Variants in GRIA1 observed in about 807,000 individuals in gnomAD.
GRIA1 encodes the protein glutamate receptor 1.
Under a neutral mutation model 99.2 loss-of-function variants are expected in GRIA1, and 31 were observed. The ratio of observed to expected loss-of-function variants is 0.31; its 90% CI spans 0.23 to 0.42. The LOEUF is 0.42. Ranked by LOEUF, GRIA1 falls within the 10% of genes least tolerant of loss-of-function variation. The pLI is 1.00. For synonymous variants in GRIA1, 438 were observed against 432.4 expected (o/e 1.01, Z -0.16); for missense variants, 782 against 1,157.5 (o/e 0.68, Z 4.71).
At chr5:153,756,719 C>A (rs1161487624) in intron 11 of GRIA1, among the ~76,000 whole-genome samples, 1 of 152,066 alleles carries the variant, frequency 6.6e-6, no homozygotes, top group African/African-American at 2.4e-5. Context: ...TTACAGAGAA[C>A]CCTAGATTAG....
intron 6 of GRIA1, 129 bp from the exon 7 acceptor site, chr5:153,676,865 C>T (rs555386946): frequency 2.2e-5 from 13 of 585,504 alleles, no homozygotes; most frequent in South Asian, 1.1e-4. Flanking sequence ...GTCTGCCCCA[C>T]GTATACCATG....
intron 2 of GRIA1, among the ~76,000 whole-genome samples, chr5:153,540,932 A>G (rs984541320): frequency 1.3e-5 from 2 of 152,196 alleles, no homozygotes; most frequent in African/African-American, 4.8e-5. Context: ...GGCTGGAGCT[A>G]AGTAAGATAA....
At chr5:153,648,518 C>T (rs1754317537) in intron 3 of GRIA1, among the ~76,000 whole-genome samples, 1 of 152,124 alleles carries the variant, frequency 6.6e-6, no homozygotes, top group African/African-American at 2.4e-5. Context: ...CTCTAAGCCT[C>T]AATTTCCACA....
intron 11 of GRIA1, among the ~76,000 whole-genome samples, chr5:153,715,836 C>T (rs1407261269): frequency 6.6e-6 from 1 of 152,142 alleles, no homozygotes; most frequent in Non-Finnish European, 1.5e-5. Context: ...TGTTGAATGT[C>T]CATCTTCACA....
intron 5 of GRIA1, among the ~76,000 whole-genome samples, chr5:153,669,240 C>T (rs1374443820): frequency 6.6e-6 from 1 of 152,154 alleles, no homozygotes; most frequent in African/African-American, 2.4e-5. Flanking sequence ...GTTTAAAATA[C>T]ATCTCAAACA....
chr5:153,794,755 A>T lies in GRIA1; in HGVS notation c.2385+20A>T. On this transcript the variant is annotated intron_variant, in intron 14 of 15. Coordinates refer to ENST00000285900, the MANE Select transcript of GRIA1 (RefSeq NM_000827.4). Reference sequence around the variant, plus strand: ...TCCAAGGTCAGCCCCAGTAAGAAAAAAAAAAACCTAGTGGGTATGAAATAG... The same window carrying T: ...TCCAAGGTCAGCCCCAGTAAGAAAATAAAAAACCTAGTGGGTATGAAATAG... 6.8e-7 allele frequency: 1 copy of T among 1,472,608 alleles called. No homozygotes were observed. The highest frequency in any genetic ancestry group is 9.5e-7 in the Non-Finnish European group (1 of 1,058,172). 91.2% of individuals were successfully genotyped at this position (1,472,608 alleles called of 1,614,324 possible).
At chr5:153,540,550 C>G (rs1215399155) in intron 2 of GRIA1, among the ~76,000 whole-genome samples, 1 of 152,186 alleles carries the variant, frequency 6.6e-6, no homozygotes, top group Non-Finnish European at 1.5e-5. Context: ...CATTGATCAA[C>G]TGATTAATTC....
At chr5:153,799,627 C>T (rs2149668284) in intron 14 of GRIA1, among the ~76,000 whole-genome samples, 1 of 152,254 alleles carries the variant, frequency 6.6e-6, no homozygotes, top group Admixed American at 6.5e-5. Context: ...CCCTTGATTC[C>T]AGAGGTCTTT....
At chr5:153,701,225 G>A (rs977950354) in intron 10 of GRIA1, among the ~76,000 whole-genome samples, 2 of 152,174 alleles carry the variant, frequency 1.3e-5, no homozygotes, top group Admixed American at 6.5e-5. Flanking sequence ...CACTGGCACA[G>A]CAGGGCTCAG....
At chr5:153,702,805 T>A (rs1376350691) in intron 10 of GRIA1, among the ~76,000 whole-genome samples, 1 of 152,206 alleles carries the variant, frequency 6.6e-6, no homozygotes, top group Non-Finnish European at 1.5e-5. Flanking sequence ...AGAAAATAAT[T>A]TTGACTGCTC....
intron 2 of GRIA1, among the ~76,000 whole-genome samples, chr5:153,555,725 G>C (rs1160026941): frequency 1.3e-5 from 2 of 152,152 alleles, no homozygotes; most frequent in Non-Finnish European, 2.9e-5. Flanking sequence ...GACCTGTCTG[G>C]GCTGGAATTT....
intron 14 of GRIA1, among the ~76,000 whole-genome samples, chr5:153,799,719 A>G (rs1469860635): frequency 6.6e-6 from 1 of 152,112 alleles, no homozygotes; most frequent in Non-Finnish European, 1.5e-5. Flanking sequence ...GGCAGTTCCT[A>G]TACCGTCTAG....
chr5:153,548,290 C>A (rs545607863), intron 2 of GRIA1, among the ~76,000 whole-genome samples: 1 of 152,178 alleles, frequency 6.6e-6, no homozygotes, highest in Non-Finnish European at 1.5e-5. Context: ...TTCTCGTGAG[C>A]TCCGCATGGT....
chr5:153,805,124 G>A lies in GRIA1; in HGVS notation c.2520+2634G>A, dbSNP rs117676991. Among the ~76,000 whole-genome samples, 914 of 91,764 alleles carry A rather than the reference G, an allele frequency of 1.0e-2. 29 individuals are homozygous for A. The East Asian group carries it at 0.3, about 30-fold the overall frequency. 60.2% of individuals were successfully genotyped at this position (91,764 alleles called of 152,430 possible). On this transcript the variant is annotated intron_variant, in intron 15 of 15. Transcript: ENST00000285900. ...CATAACATTGTTGTAAGGATTGTAT[G>A]AAATAATGGATTATAAAGAGCTTGG...
At chr5:153,689,513 T>C (rs1392168195) in intron 8 of GRIA1, among the ~76,000 whole-genome samples, 2 of 152,232 alleles carry the variant, frequency 1.3e-5, no homozygotes, top group African/African-American at 4.8e-5. Context: ...GCTTAAAATA[T>C]AGCCAGATTA....
At chr5:153,541,209 C>A (rs1759061361) in intron 2 of GRIA1, among the ~76,000 whole-genome samples, 1 of 152,216 alleles carries the variant, frequency 6.6e-6, no homozygotes, top group South Asian at 2.1e-4. Context: ...CTTCACAGAG[C>A]TTGTCCTAAA....
intron 11 of GRIA1, among the ~76,000 whole-genome samples, chr5:153,745,291 C>CAA (rs1554122652): frequency 3.4e-4 from 43 of 126,724 alleles, no homozygotes; most frequent in African/African-American, 8.1e-4. Flanking sequence ...TTAGAAATTA[C>CAA]AAAAAAAAAA....
intron 9 of GRIA1, 145 bp downstream of exon 9, chr5:153,698,299 A>G (rs936551434): frequency 3.9e-6 from 2 of 516,792 alleles, no homozygotes; most frequent in African/African-American, 3.8e-5. Context: ...GAATGCCCTG[A>G]AAATGAGAGG....
intron 2 of GRIA1, among the ~76,000 whole-genome samples, chr5:153,641,999 G>A (rs1753807501): frequency 6.6e-6 from 1 of 152,228 alleles, no homozygotes; most frequent in African/African-American, 2.4e-5. Context: ...CGAATGGTGG[G>A]TGGATGGATA....
Sources: allele counts gnomAD v4.1 joint callset (sites outside exome capture counted in the v4.1 genomes callset), GRCh38; gene constraint gnomAD v4.1.1; transcripts MANE v1.5; gene names NCBI Gene and HGNC (gene_info 2026-07-23, HGNC 2026-07-21).